PCLO: variants seen among roughly 807,000 people sequenced by gnomAD.
PCLO encodes protein piccolo.
Under a neutral mutation model 427.5 loss-of-function variants are expected in PCLO, and 82 were observed. That is an observed-to-expected ratio of 0.19 (90% confidence interval 0.16 to 0.23). The LOEUF is 0.23. Ranked by LOEUF, PCLO falls within the 10% of genes least tolerant of loss-of-function variation. The pLI is 1.00. For synonymous variants in PCLO, 2,357 were observed against 2,155.4 expected, an observed-to-expected ratio of 1.09 and a Z score of -2.59; for missense variants, 6,239 against 6,115.9, an observed-to-expected ratio of 1.02 and a Z score of -0.67.
intron 3 of PCLO, among the ~76,000 whole-genome samples, chr7:83,086,643 TGG>T (rs1183580778): frequency 7.1e-6 from 1 of 141,750 alleles, no homozygotes; most frequent in African/African-American, 3.2e-5. Flanking sequence ...AAGAGTATTT[TGG>T]ATGCTGGCAC....
rs1171968860 is a variant in PCLO, at chr7:82,950,533, G to C, written c.10055C>G (p.Thr3352Ser). The change falls in exon 6 of 25, where the codon ACT (threonine) becomes AGT (serine). Residue 3352 changes from threonine (T) to serine (S), a missense_variant. By Grantham distance (58) the Thr-to-Ser change is moderately conservative (BLOSUM62 1). Coordinates refer to ENST00000333891, the MANE Select transcript of PCLO (RefSeq NM_033026.6). ...TGAAGCTGTGGTGGTTGCATCTTCAGTTGCCCAAAATTGACTGCCTTCCAG... is the reference window on the plus strand; with the variant it reads ...TGAAGCTGTGGTGGTTGCATCTTCACTTGCCCAAAATTGACTGCCTTCCAG... ...AALEGSQFWA[T>S]EDATTTASAV... The C allele has an allele frequency of 6.2e-7, 1 of 1,613,700 alleles. No individual in the cohort carries two copies. Among genetic ancestry groups the C allele is most frequent in the Non-Finnish European group, 8.5e-7 (1 of 1,179,856 alleles).
In PCLO at chr7:83,040,774, C is replaced by T. The variant is rs1042752290; in HGVS notation, c.3301-74287G>A. 7.0e-4 allele frequency among the ~76,000 whole-genome samples: 107 copies of T among 152,162 alleles called. 1 individual carries two copies. Among genetic ancestry groups the T allele is most frequent in the South Asian group, 1.9e-3 (9 of 4,812 alleles). The stretch of plus-strand genomic sequence containing the variant: ...CTTTGGAGAGGAATTTAGAGCTCTC[C>T]TTTCTAAGATCTGTTTCTCCCCCGC... On this transcript the variant is annotated intron_variant, in intron 3 of 24. Transcript: ENST00000333891.
Position 82,849,014 on chromosome 7 carries a change from CT to C in PCLO, c.13655-1768del, listed in dbSNP as rs539986848. 4.0e-4 allele frequency: 102 copies of C among 256,126 alleles called. 1 individual carries two copies. The highest frequency in any genetic ancestry group is 7.2e-4 in the Non-Finnish European group (86 of 119,806). The allele number at this position is 256,126 out of a possible 1,614,324, so 15.9% of individuals were successfully genotyped here. A position where few individuals can be genotyped will look rare whatever the true frequency, so the allele number is the denominator to read the frequency against. On this transcript the variant is annotated intron_variant, in intron 10 of 24. Coordinates refer to ENST00000333891, the MANE Select transcript of PCLO (RefSeq NM_033026.6). The stretch of plus-strand genomic sequence containing the variant: ...CACGCTGAAAGAGGAAAATAAAGCA[CT>C]TTTTTTAAATAAGGAGGAAGAGTAC...
At chr7:83,109,073 GCCT>G (rs1790938464) in intron 3 of PCLO, among the ~76,000 whole-genome samples, 1 of 151,744 alleles carries the variant, frequency 6.6e-6, no homozygotes, top group Non-Finnish European at 1.5e-5. Flanking sequence ...TTCTCTTTTG[GCCT>G]CCTCCTCACT....
chr7:82,885,138 T>C (rs1793599565), intron 9 of PCLO, among the ~76,000 whole-genome samples: 1 of 152,150 alleles, frequency 6.6e-6, no homozygotes, highest in South Asian at 2.1e-4. Flanking sequence ...AGGTGATGGA[T>C]AGCCACTACC....
intron 3 of PCLO, among the ~76,000 whole-genome samples, chr7:83,096,965 T>G (rs1204466975): frequency 2.0e-5 from 1 of 49,858 alleles, no homozygotes; most frequent in South Asian, 4.9e-4. Context: ...TAATATAATA[T>G]AATATATTAT....
intron 6 of PCLO, among the ~76,000 whole-genome samples, chr7:82,940,920 GC>G (rs1409919296): frequency 6.6e-6 from 1 of 151,072 alleles, no homozygotes; most frequent in African/African-American, 2.4e-5. Flanking sequence ...TTGCCACCAC[GC>G]CCGGCTAATT....
intron 6 of PCLO, among the ~76,000 whole-genome samples, chr7:82,928,026 C>T (rs1264788898): frequency 6.6e-6 from 1 of 152,090 alleles, no homozygotes; most frequent in East Asian, 1.9e-4. Flanking sequence ...TAAAAGCAGT[C>T]CTCACATGCA....
chr7:83,103,467 A>T (rs921187474), intron 3 of PCLO, among the ~76,000 whole-genome samples: 1 of 151,888 alleles, frequency 6.6e-6, no homozygotes, highest in Non-Finnish European at 1.5e-5. Context: ...AGCCAACCTC[A>T]TTCTCTTCTA....
chr7:82,797,771 C>A (rs1353090541), intron 22 of PCLO, among the ~76,000 whole-genome samples: 1 of 152,068 alleles, frequency 6.6e-6, no homozygotes, highest in African/African-American at 2.4e-5. Flanking sequence ...GGTTGAATCC[C>A]AGAACCCTTC....
At chr7:82,962,786 T>C (rs2115631585) in intron 4 of PCLO, among the ~76,000 whole-genome samples, 1 of 152,110 alleles carries the variant, frequency 6.6e-6, no homozygotes, top group Admixed American at 6.6e-5. Flanking sequence ...TGAAAAACAT[T>C]TATTCATTAC....
chr7:83,012,147 C>T (rs192802393), intron 3 of PCLO, among the ~76,000 whole-genome samples: 1 of 151,878 alleles, frequency 6.6e-6, no homozygotes, highest in Non-Finnish European at 1.5e-5. Context: ...ACAGGAAAAA[C>T]CACTACATCA....
chr7:82,822,658 A>AC lies in PCLO; in HGVS notation c.14627_14628insG (p.His4876GlnfsTer2). The AC allele has an allele frequency of 6.2e-7, 1 of 1,613,702 alleles. No homozygotes were observed. The highest frequency in any genetic ancestry group is 8.5e-7 in the Non-Finnish European group (1 of 1,179,788). ...ATGATTTTGAGCTACCAGGACTACT[A>AC]TGGGATTTCTCAATGGTGGGAACCT... On this transcript the variant is annotated frameshift_variant, in exon 20 of 25. Transcript: ENST00000333891. LOFTEE classifies it high-confidence loss of function.
At chr7:82,933,928 T>C (rs1051631386) in intron 6 of PCLO, among the ~76,000 whole-genome samples, 2 of 151,956 alleles carry the variant, frequency 1.3e-5, no homozygotes, top group African/African-American at 4.8e-5. Flanking sequence ...TAGAATGTCA[T>C]ATGATGAGAT....
chr7:83,093,804 TA>T (rs55783549), intron 3 of PCLO, among the ~76,000 whole-genome samples: 11,223 of 126,676 alleles, frequency 0.089, 1,021 homozygotes, highest in African/African-American at 0.22. Context: ...CCACAAATAT[TA>T]AAAAAAAAAA....
At chr7:83,000,749 T>C (rs1261775322) in intron 3 of PCLO, among the ~76,000 whole-genome samples, 3 of 152,042 alleles carry the variant, frequency 2.0e-5, no homozygotes, top group Non-Finnish European at 4.4e-5. Context: ...ACCTCAGCTT[T>C]AGACAAAAGG....
rs1204492678 is a variant in PCLO, at chr7:82,952,245, G to A, written c.8708C>T (p.Thr2903Ile). The change falls in exon 5 of 25, where the codon ACC (threonine) becomes ATC (isoleucine). Residue 2903 changes from threonine to isoleucine, a missense_variant. This residue lies in a region of PCLO where 4,677 missense variants were observed against 4,468.4 expected (regional missense o/e 1.05). Coordinates refer to ENST00000333891, the MANE Select transcript of PCLO (RefSeq NM_033026.6). Reference sequence around the variant, plus strand: ...TGTTACGACTGTTCTGTGAGACTTGGTTGTACTGAGATCCACTACTTCCCC... The same window carrying A: ...TGTTACGACTGTTCTGTGAGACTTGATTGTACTGAGATCCACTACTTCCCC... The part of the protein sequence containing the change: ...TDGEVVDLST[T>I]KSHRTVVTMD... 2 of 1,613,852 alleles carry A rather than the reference G, an allele frequency of 1.2e-6. No homozygotes were observed. The highest frequency in any genetic ancestry group is 1.7e-5 in the Admixed American group (1 of 60,004).
rs1428800666 is a variant in PCLO, at chr7:82,754,090, T to C, written c.*4485A>G. ...AGTTTACATAAGTTATCAAGATACATCTTGTATACAATCACAAAACCAAGA... is the reference window on the plus strand; with the variant it reads ...AGTTTACATAAGTTATCAAGATACACCTTGTATACAATCACAAAACCAAGA... On this transcript the variant is annotated 3_prime_UTR_variant, in exon 25 of 25. Coordinates refer to ENST00000333891, the MANE Select transcript of PCLO (RefSeq NM_033026.6). 1 of 152,172 alleles carries C rather than the reference T, an allele frequency of 6.6e-6. No homozygotes were observed. Among genetic ancestry groups the C allele is most frequent in the Admixed American group, 6.6e-5 (1 of 15,264 alleles). The allele number at this position is 152,172 out of a possible 1,614,324, so 9.4% of individuals were successfully genotyped here.
intron 3 of PCLO, among the ~76,000 whole-genome samples, chr7:83,113,824 C>T (rs1791065316): frequency 6.6e-6 from 1 of 152,012 alleles, no homozygotes; most frequent in Admixed American, 6.6e-5. Context: ...GAAAACGTTA[C>T]ATTATGGAAA....
Sources: gnomAD v4.1 joint callset for allele counts (sites outside exome capture counted in the v4.1 genomes callset) on GRCh38, gnomAD v4.1.1 for gene constraint, gnomAD v4.1.1 regional missense constraint, MANE v1.5 for transcripts, NCBI Gene and HGNC (gene_info 2026-07-23, HGNC 2026-07-21) for gene names.